SPPL3: variants seen among roughly 807,000 people sequenced by gnomAD.
SPPL3 encodes signal peptide peptidase-like 3.
A neutral mutation model predicts 42.4 loss-of-function variants in SPPL3; 5 were observed. The observed-to-expected ratio is 0.12, with a 90% CI of 0.06 to 0.25. The LOEUF (loss-of-function observed/expected upper bound fraction) is 0.25, where lower values mean the gene tolerates loss of function less well. Ranked by LOEUF, SPPL3 falls within the 10% of genes least tolerant of loss-of-function variation. SPPL3 has a pLI of 1.00. For missense variants in SPPL3, 235 were observed against 489.0 expected (o/e 0.48, Z 4.90); for synonymous variants, 195 against 181.8 (o/e 1.07, Z -0.58).
chr12:120,865,229 C>A (rs1872723576), intron 1 of SPPL3, among the ~76,000 whole-genome samples: 1 of 152,198 alleles, frequency 6.6e-6, no homozygotes, highest in Admixed American at 6.5e-5. Flanking sequence ...CACCCTCCCA[C>A]ATGAAAATGC....
chr12:120,855,301 T>A (rs1872414469), intron 1 of SPPL3, among the ~76,000 whole-genome samples: 1 of 152,108 alleles, frequency 6.6e-6, no homozygotes, highest in African/African-American at 2.4e-5. Flanking sequence ...AACTGACAAA[T>A]GTATAAAAAA....
intron 1 of SPPL3, among the ~76,000 whole-genome samples, chr12:120,887,334 A>G (rs932862659): frequency 1.3e-5 from 2 of 152,086 alleles, no homozygotes; most frequent in Non-Finnish European, 2.9e-5. Flanking sequence ...TTATACTTCT[A>G]TTGGGCAGTG....
chr12:120,801,690 T>C (rs1413480021), intron 2 of SPPL3, among the ~76,000 whole-genome samples: 2 of 152,198 alleles, frequency 1.3e-5, no homozygotes, highest in African/African-American at 2.4e-5. Context: ...CCAAGTAAAC[T>C]TGATCTGGTA....
In SPPL3 at chr12:120,763,161, A is replaced by C. The variant is rs1868731540; in HGVS notation, c.*1838T>G. On this transcript the variant is annotated 3_prime_UTR_variant, in exon 11 of 11. Transcript: ENST00000353487. ...GACAGAGTCTTCCCATCAGTCTTCC[A>C]GAACAGGGAGGAGATGGCTGGGAGC... The C allele has an allele frequency of 6.6e-6, 1 of 152,294 alleles. No homozygotes were observed. Among genetic ancestry groups the C allele is most frequent in the African/African-American group, 2.4e-5 (1 of 41,464 alleles). 9.4% of individuals were successfully genotyped at this position (152,294 alleles called of 1,614,324 possible). A position where few individuals can be genotyped will look rare whatever the true frequency, so the allele number is the denominator to read the frequency against.
intron 5 of SPPL3, among the ~76,000 whole-genome samples, chr12:120,783,390 A>G (rs1869607339): frequency 6.6e-6 from 1 of 152,250 alleles, no homozygotes; most frequent in Non-Finnish European, 1.5e-5. Context: ...AAGGAATGAA[A>G]GCACCGTTTC....
rs1411651936 is a variant in SPPL3 at position 120,891,715 on chromosome 12, C to T, written c.23+12130G>A. 5.0e-5 allele frequency among the ~76,000 whole-genome samples: 7 copies of T among 140,542 alleles called. No homozygotes were observed. In the East Asian group the frequency reaches 1.3e-3, roughly 25 times the overall value. The allele number at this position is 140,542 out of a possible 152,430, so 92.2% of individuals were successfully genotyped here. ...GAGCATGTTACTGAAATTTTTTTCC[C>T]TAAGACTGTTTTGCAAATTCTAAAA... On this transcript the variant is annotated intron_variant, in intron 1 of 10. Transcript: ENST00000353487.
rs1199826811 is a variant in SPPL3 at position 120,858,086 on chromosome 12, C to A, written c.23+45759G>T. ...AGAGAGAAAGGGAGGCAGAGAGCAT[C>A]TGTAAAAACAATAAAAACATACCAG... On this transcript the variant is annotated intron_variant, in intron 1 of 10. Transcript: ENST00000353487. 5.5e-4 allele frequency among the ~76,000 whole-genome samples: 84 copies of A among 152,066 alleles called. 1 individual carries two copies. The highest frequency in any genetic ancestry group is 5.4e-3 in the Admixed American group (83 of 15,270).
rs1868770510 is a variant in SPPL3 at position 120,763,960 on chromosome 12, C to T, written c.*1039G>A. 3 of 152,510 alleles carry T rather than the reference C, an allele frequency of 2.0e-5. No homozygotes were observed. The highest frequency in any genetic ancestry group is 2.0e-4 in the Admixed American group (3 of 15,266). 9.4% of individuals were successfully genotyped at this position (152,510 alleles called of 1,614,324 possible). Reference sequence around the variant, plus strand: ...TGATGAGAAAGCACAAAGACACCTGCTGCTATAATACATGCATTGGCTCGA... The same window carrying T: ...TGATGAGAAAGCACAAAGACACCTGTTGCTATAATACATGCATTGGCTCGA... On this transcript the variant is annotated 3_prime_UTR_variant, in exon 11 of 11. Coordinates refer to ENST00000353487, the MANE Select transcript of SPPL3 (RefSeq NM_139015.5).
chr12:120,870,596 G>A (rs1566065710), intron 1 of SPPL3, among the ~76,000 whole-genome samples: 1 of 152,076 alleles, frequency 6.6e-6, no homozygotes, highest in Non-Finnish European at 1.5e-5. Flanking sequence ...AGTGATGAAA[G>A]AATGGGTAAG....
chr12:120,812,994 T>TGGTGA (rs1435180377), intron 1 of SPPL3, among the ~76,000 whole-genome samples: 12 of 152,064 alleles, frequency 7.9e-5, no homozygotes, highest in Non-Finnish European at 2.9e-5. Context: ...CTGGGTAAAG[T>TGGTGA]GGTGAGGATG....
intron 1 of SPPL3, among the ~76,000 whole-genome samples, chr12:120,890,952 C>T (rs1424180469): frequency 1.3e-5 from 2 of 152,148 alleles, no homozygotes; most frequent in Non-Finnish European, 2.9e-5. Flanking sequence ...GACTCATTAT[C>T]AACTTGGTAA....
chr12:120,821,638 ATG>A (rs1392727093), intron 1 of SPPL3, among the ~76,000 whole-genome samples: 1 of 152,226 alleles, frequency 6.6e-6, no homozygotes, highest in Non-Finnish European at 1.5e-5. Flanking sequence ...GCAAAAATCT[ATG>A]TTAACATGCT....
intron 8 of SPPL3, among the ~76,000 whole-genome samples, chr12:120,767,924 T>C (rs1200589762): frequency 6.6e-6 from 1 of 152,228 alleles, no homozygotes; most frequent in African/African-American, 2.4e-5. Context: ...AATAAGCACC[T>C]GGCTACTATT....
intron 7 of SPPL3, 92 bp from the exon 8 acceptor site, chr12:120,768,580 GAATGCTGTGACTGC>G (rs1261611891): frequency 7.3e-7 from 1 of 1,375,298 alleles, no homozygotes; most frequent in Non-Finnish European, 1.0e-6. Context: ...CAGAGTCTCA[GAATGCTGTGACTGC>G]AATGCTTTCG....
chr12:120,789,999 T>G (rs1316132717), intron 3 of SPPL3, among the ~76,000 whole-genome samples: 8 of 152,150 alleles, frequency 5.3e-5, no homozygotes, highest in African/African-American at 1.9e-4. Context: ...GATTTATAAT[T>G]TGGTTTAAGA....
intron 1 of SPPL3, among the ~76,000 whole-genome samples, chr12:120,839,400 C>G (rs1486503218): frequency 6.7e-6 from 1 of 149,418 alleles, no homozygotes; most frequent in East Asian, 2.0e-4. Context: ...GGAGATATAC[C>G]TAATGCTAAA....
chr12:120,814,704 C>T (rs916345183), intron 1 of SPPL3, among the ~76,000 whole-genome samples: 4 of 152,016 alleles, frequency 2.6e-5, no homozygotes, highest in South Asian at 4.2e-4. Flanking sequence ...CCAACCCCCA[C>T]CCTCTCAGTC....
intron 1 of SPPL3, among the ~76,000 whole-genome samples, chr12:120,872,599 C>T (rs1296933152): frequency 6.6e-6 from 1 of 152,064 alleles, no homozygotes; most frequent in Non-Finnish European, 1.5e-5. Context: ...CAGAGGGCTC[C>T]GGAGGTCTGG....
intron 3 of SPPL3, among the ~76,000 whole-genome samples, chr12:120,786,843 T>C (rs1869737754): frequency 6.6e-6 from 1 of 152,020 alleles, no homozygotes; most frequent in African/African-American, 2.4e-5. Flanking sequence ...TTAGCCAAAC[T>C]CCAGTAACTT....
Sources: gnomAD v4.1 joint callset for allele counts (sites outside exome capture counted in the v4.1 genomes callset) on GRCh38, gnomAD v4.1.1 for gene constraint, MANE v1.5 for transcripts, NCBI Gene and HGNC (gene_info 2026-07-23, HGNC 2026-07-21) for gene names.